Variants in SNX24 observed in about 807,000 individuals in gnomAD.
SNX24 encodes sorting nexin 24.
Under a neutral mutation model 28.7 loss-of-function variants are expected in SNX24, and 22 were observed. The observed-to-expected ratio is 0.77, with a 90% CI of 0.55 to 1.10. The LOEUF (loss-of-function observed/expected upper bound fraction) is 1.10. Ranked by LOEUF, SNX24 falls within the 50% of genes least tolerant of loss-of-function variation. The pLI, the probability that SNX24 is intolerant of heterozygous loss-of-function variation, is 0.00. For synonymous variants in SNX24, 69 were observed against 71.5 expected, an observed-to-expected ratio of 0.96 and a Z score of 0.18; for missense variants, 221 against 201.1, an observed-to-expected ratio of 1.10 and a Z score of -0.60.
intron 1 of SNX24, among the ~76,000 whole-genome samples, chr5:122,860,190 T>A (rs1053099879): frequency 6.6e-6 from 1 of 152,194 alleles, no homozygotes; most frequent in African/African-American, 2.4e-5. Context: ...GGGTAAAATA[T>A]TTTGATGTTC....
intron 1 of SNX24, among the ~76,000 whole-genome samples, chr5:122,877,713 T>C (rs74363516): frequency 4.7e-4 from 72 of 152,216 alleles, no homozygotes; most frequent in African/African-American, 1.7e-3. Context: ...CTACCCGAAG[T>C]TGGTTAACTT....
At chr5:122,997,475 G>A (rs535776775) in intron 3 of SNX24, among the ~76,000 whole-genome samples, 3 of 152,276 alleles carry the variant, frequency 2.0e-5, no homozygotes, top group South Asian at 2.1e-4. Context: ...ATTAATTCCC[G>A]TCCCTGTGTT....
chr5:122,957,171 C>T (rs905047292), intron 3 of SNX24, among the ~76,000 whole-genome samples: 9 of 152,060 alleles, frequency 5.9e-5, no homozygotes, highest in African/African-American at 1.9e-4. Flanking sequence ...GGCTCTGGAT[C>T]CATTTTGAGT....
chr5:122,971,020 C>T (rs893498920), intron 3 of SNX24, among the ~76,000 whole-genome samples: 1 of 152,182 alleles, frequency 6.6e-6, no homozygotes, highest in Non-Finnish European at 1.5e-5. Flanking sequence ...AAGGTGAAGT[C>T]TCACGATAGG....
intron 1 of SNX24, among the ~76,000 whole-genome samples, chr5:122,913,106 T>A (rs993935412): frequency 4.9e-4 from 74 of 152,354 alleles, no homozygotes; most frequent in Non-Finnish European, 7.6e-4. Flanking sequence ...GTCTCCCATA[T>A]CTACGTCTTT....
chr5:122,897,383 C>A (rs991044598), intron 1 of SNX24, among the ~76,000 whole-genome samples: 1 of 151,966 alleles, frequency 6.6e-6, no homozygotes, highest in Non-Finnish European at 1.5e-5. Flanking sequence ...ATTTCTGCTA[C>A]CTTACTACCT....
rs1407272452 is a variant in SNX24, at chr5:122,913,111, G to C, written c.61-23623G>C. Among the ~76,000 whole-genome samples, 5 of 152,092 alleles carry C rather than the reference G, an allele frequency of 3.3e-5. 1 individual carries two copies. The highest frequency in any genetic ancestry group is 6.5e-5 in the Admixed American group (1 of 15,274). On this transcript the variant is annotated intron_variant, in intron 1 of 6. Coordinates refer to ENST00000261369, the MANE Select transcript of SNX24 (RefSeq NM_014035.4). ...AAAATGAAAAGTCTCCCATATCTAC[G>C]TCTTTCTACACAGACACAGCAACCA... is the stretch of plus-strand genomic sequence containing the variant.
intron 3 of SNX24, among the ~76,000 whole-genome samples, chr5:122,975,006 G>A (rs535341573): frequency 7.9e-5 from 12 of 152,264 alleles, no homozygotes; most frequent in East Asian, 1.9e-4. Context: ...CCTGACCTCC[G>A]TAAGCCCCTA....
At chr5:122,890,914 T>G (rs1398762590) in intron 1 of SNX24, 7 of 1,075,578 alleles carry the variant, frequency 6.5e-6, no homozygotes, top group Non-Finnish European at 8.4e-6. Flanking sequence ...GAATTGTTAA[T>G]TAAAATTTTT....
At chr5:122,959,668 T>G (rs1450648994) in intron 3 of SNX24, among the ~76,000 whole-genome samples, 4 of 152,148 alleles carry the variant, frequency 2.6e-5, no homozygotes, top group Admixed American at 6.5e-5. Context: ...GCATTGTTTT[T>G]GGGTTTTTTT....
chr5:122,933,123 T>C (rs1205629139), intron 1 of SNX24, among the ~76,000 whole-genome samples: 1 of 152,212 alleles, frequency 6.6e-6, no homozygotes, highest in African/African-American at 2.4e-5. Context: ...ATTTGATCTC[T>C]TCAGACCTGG....
chr5:122,909,063 T>C (rs80069005), intron 1 of SNX24, among the ~76,000 whole-genome samples: 4,285 of 152,242 alleles, frequency 0.028, 178 homozygotes, highest in African/African-American at 0.084. Context: ...TTCAAAATAC[T>C]GTTATAAAAA....
intron 3 of SNX24, among the ~76,000 whole-genome samples, chr5:122,946,540 G>A (rs1031834373): frequency 6.6e-6 from 1 of 152,132 alleles, no homozygotes; most frequent in East Asian, 1.9e-4. Context: ...TTGGGGTAGT[G>A]AGAGAAACTG....
intron 3 of SNX24, among the ~76,000 whole-genome samples, chr5:122,997,443 CTGTT>C (rs566979649): frequency 2.8e-4 from 42 of 152,254 alleles, no homozygotes; most frequent in Middle Eastern, 3.4e-3. Context: ...TTGGAGAACT[CTGTT>C]TGGGGAAGCT....
chr5:122,915,812 C>T (rs1758134813), intron 1 of SNX24, among the ~76,000 whole-genome samples: 1 of 152,198 alleles, frequency 6.6e-6, no homozygotes. Context: ...CCTTGAGCTC[C>T]AGTCCCACAG....
At chr5:122,962,433 A>G (rs1031182921) in intron 3 of SNX24, among the ~76,000 whole-genome samples, 1 of 152,230 alleles carries the variant, frequency 6.6e-6, no homozygotes, top group Non-Finnish European at 1.5e-5. Context: ...CTTCACTTAA[A>G]ATAATTTTTA....
Position 123,007,729 on chromosome 5 carries a change from C to G in SNX24, c.490C>G (p.Pro164Ala), listed in dbSNP as rs757422248. Reference sequence around the variant, plus strand: ...AGGAGTCCTCCATGGGATATTTTACCCTCATCTACAGCCCAGGTAGAAATC... The same window carrying G: ...AGGAGTCCTCCATGGGATATTTTACGCTCATCTACAGCCCAGGTAGAAATC... ...IEGVLHGIFY[P>A]HLQPR Residue 164 changes from proline to alanine, a missense_variant, in exon 7 of 7, where the codon CCT becomes GCT. Transcript: ENST00000261369. 8 of 1,599,568 alleles carry G rather than the reference C, an allele frequency of 5.0e-6. No individual in the cohort carries two copies. The highest frequency in any genetic ancestry group is 1.8e-5 in the Admixed American group (1 of 56,750).
At chr5:122,864,576 G>A (rs1305134659) in intron 1 of SNX24, among the ~76,000 whole-genome samples, 1 of 152,216 alleles carries the variant, frequency 6.6e-6, no homozygotes, top group Non-Finnish European at 1.5e-5. Context: ...GGAGACGTCA[G>A]TGAGCCAGGA....
At chr5:122,996,022 T>C (rs1762041378) in intron 3 of SNX24, among the ~76,000 whole-genome samples, 1 of 152,216 alleles carries the variant, frequency 6.6e-6, no homozygotes, top group Admixed American at 6.5e-5. Flanking sequence ...GACTGCTGCA[T>C]TTTAGAATAA....
Sources: gnomAD v4.1 joint callset for allele counts (sites outside exome capture counted in the v4.1 genomes callset) on GRCh38, gnomAD v4.1.1 for gene constraint, MANE v1.5 for transcripts, NCBI Gene and HGNC (gene_info 2026-07-23, HGNC 2026-07-21) for gene names.